ALOX5: variants seen among roughly 807,000 people sequenced by gnomAD.
ALOX5 encodes the protein polyunsaturated fatty acid 5-lipoxygenase.
ALOX5 carries 64 observed loss-of-function variants against 87.9 expected under a neutral mutation model. The ratio of observed to expected loss-of-function variants is 0.73; its 90% confidence interval spans 0.60 to 0.90. ALOX5 has a LOEUF of 0.90. ALOX5 is among the 40% of genes least tolerant of loss of function. The probability of loss-of-function intolerance (pLI) is 0.00; values close to 1 mark genes in which losing one functional copy is unlikely to be tolerated. For missense variants in ALOX5, 822 were observed against 907.5 expected, an observed-to-expected ratio of 0.91 and a Z score of 1.21; for synonymous variants, 388 against 355.1, an observed-to-expected ratio of 1.09 and a Z score of -1.04.
chr10:45,441,402 T>G lies in ALOX5; in HGVS notation c.1244T>G (p.Leu415Arg). 1 of 1,613,648 alleles carries G rather than the reference T, an allele frequency of 6.2e-7. No individual in the cohort carries two copies. Among genetic ancestry groups the G allele is most frequent in the Non-Finnish European group, 8.5e-7 (1 of 1,179,682 alleles). ...ATCAACACCAAGGCCCGTGAGCAGC[T>G]CATCTGCGAGTGTGGCCTCTTTGAC... ...IAINTKAREQLICECGLFDKA... is the reference protein window; with the variant it reads ...IAINTKAREQRICECGLFDKA... Residue 415 changes from leucine (L) to arginine (R), a missense_variant, in exon 9 of 14, where the codon CTC (leucine) becomes CGC (arginine). Leu to Arg is a moderately radical substitution (Grantham distance 102). Coordinates refer to ENST00000374391, the MANE Select transcript of ALOX5 (RefSeq NM_000698.5).
At chr10:45,427,810 G>A (rs542561091) in intron 6 of ALOX5, among the ~76,000 whole-genome samples, 8 of 152,234 alleles carry the variant, frequency 5.3e-5, no homozygotes, top group South Asian at 4.1e-4. Context: ...GCGGCCGCCC[G>A]CCTCCCACTT....
chr10:45,386,243 G>A (rs1840003605), intron 2 of ALOX5, among the ~76,000 whole-genome samples: 2 of 151,718 alleles, frequency 1.3e-5, no homozygotes, highest in African/African-American at 4.9e-5. Flanking sequence ...GGAGCTTGCA[G>A]TGAGCTGAGA....
chr10:45,439,723 A>C (rs946731066), intron 7 of ALOX5, among the ~76,000 whole-genome samples: 1 of 152,206 alleles, frequency 6.6e-6, no homozygotes. Context: ...GAGGTGATTG[A>C]GGAGGCAGTT....
rs36025124 is a variant in ALOX5 at position 45,437,416 on chromosome 10, GT to G, written c.982-3004del. Among the ~76,000 whole-genome samples, 24 of 149,356 alleles carry G rather than the reference GT, an allele frequency of 1.6e-4. No homozygotes were observed. In the South Asian group the frequency reaches 2.3e-3, roughly 14 times the overall value. ...GTATCTTGAGTGTAGAAAGTCAAAA[GT>G]TTTTTTTTTGTTAAGGAGTAAATTA... On this transcript the variant is annotated intron_variant, in intron 7 of 13. Transcript: ENST00000374391.
intron 1 of ALOX5, among the ~76,000 whole-genome samples, chr10:45,376,184 C>T (rs1323698349): frequency 1.3e-5 from 2 of 148,798 alleles, no homozygotes; most frequent in African/African-American, 5.0e-5. Context: ...CCACTATCTC[C>T]CTCTCTCGGT....
chr10:45,378,251 C>T (rs561535459), intron 1 of ALOX5, among the ~76,000 whole-genome samples: 3 of 152,048 alleles, frequency 2.0e-5, no homozygotes, highest in African/African-American at 7.3e-5. Context: ...AGGGTACAAA[C>T]CAGGGCTCAA....
At chr10:45,417,827 C>A (rs1256094428) in intron 4 of ALOX5, among the ~76,000 whole-genome samples, 2 of 152,164 alleles carry the variant, frequency 1.3e-5, no homozygotes, top group Non-Finnish European at 2.9e-5. Flanking sequence ...TAGCTGTTTC[C>A]TTTGCCACAC....
intron 2 of ALOX5, among the ~76,000 whole-genome samples, chr10:45,384,573 T>A (rs1305929960): frequency 6.6e-6 from 1 of 152,184 alleles, no homozygotes; most frequent in Admixed American, 6.5e-5. Context: ...GTCTCATTCT[T>A]TAAGGCTTCT....
rs778418203 is a variant in ALOX5 at position 45,425,103 on chromosome 10, C to G, written c.805C>G (p.Arg269Gly). ...TTEMVECSLE[R>G]QLSLEQEVQQ... ...GGAGATGGTAGAGTGCAGCCTGGAG[C>G]GGCAGCTCAGCTTGGAGCAGGAGGT... Residue 269 changes from arginine (R) to glycine (G), a missense_variant, in exon 6 of 14, where the codon CGG (arginine) becomes GGG (glycine). Physicochemically the swap from Arg to Gly is moderately radical, Grantham distance 125. Transcript: ENST00000374391. This position sits in a 1 kb window ranked among gnomAD's most constrained non-coding sequence, Gnocchi z 4.4. 2.5e-6 allele frequency: 4 copies of G among 1,613,846 alleles called. No individual in the cohort carries two copies. The South Asian group carries it at 4.4e-5, about 18-fold the overall frequency.
intron 6 of ALOX5, among the ~76,000 whole-genome samples, chr10:45,427,342 T>C (rs1841746772): frequency 6.6e-6 from 1 of 151,984 alleles, no homozygotes; most frequent in Non-Finnish European, 1.5e-5. Flanking sequence ...AACCCAAGGG[T>C]CTCCACCTGC....
intron 2 of ALOX5, among the ~76,000 whole-genome samples, chr10:45,385,924 T>C (rs1319039966): frequency 6.6e-6 from 1 of 152,124 alleles, no homozygotes; most frequent in African/African-American, 2.4e-5. Flanking sequence ...TGCAATTAGA[T>C]CAGTACAGAG....
intron 2 of ALOX5, among the ~76,000 whole-genome samples, chr10:45,390,190 G>GC (rs1373653265): frequency 6.6e-6 from 1 of 152,166 alleles, no homozygotes; most frequent in Non-Finnish European, 1.5e-5. Flanking sequence ...GATTTATAAA[G>GC]CAAGTCCTTA....
chr10:45,435,603 C>T (rs1335507808), intron 7 of ALOX5, among the ~76,000 whole-genome samples: 1 of 152,194 alleles, frequency 6.6e-6, no homozygotes, highest in East Asian at 1.9e-4. Context: ...CTGCAAAGAA[C>T]ACGATTTCAT....
chr10:45,430,741 A>T (rs1037072851), intron 7 of ALOX5, among the ~76,000 whole-genome samples: 1 of 152,214 alleles, frequency 6.6e-6, no homozygotes, highest in Non-Finnish European at 1.5e-5. Context: ...AAGATAAATT[A>T]GAAGAAATTG....
At position 45,409,662 on chromosome 10, in the gene ALOX5, C is replaced by T. The variant is rs74443325; in HGVS notation, c.432-2529C>T. On this transcript the variant is annotated intron_variant, in intron 3 of 13. Coordinates refer to ENST00000374391, the MANE Select transcript of ALOX5 (RefSeq NM_000698.5). The stretch of plus-strand genomic sequence containing the variant: ...CATTTTTTTTCCAATAAATTAAATG[C>T]CTTTCTACTTCTTTGTTCCTTCTGC... Among the ~76,000 whole-genome samples the T allele has an allele frequency of 6.9e-3, 1,043 of 151,072 alleles. 23 individuals carry two copies. The highest frequency in any genetic ancestry group is 0.061 in the East Asian group (310 of 5,078).
intron 13 of ALOX5, 33 bp from the exon 14 acceptor site, chr10:45,445,475 G>A: frequency 3.1e-6 from 5 of 1,602,142 alleles, no homozygotes; most frequent in Non-Finnish European, 4.3e-6. Flanking sequence ...GTAGTGGATT[G>A]ACCTATGTGT....
intron 3 of ALOX5, among the ~76,000 whole-genome samples, chr10:45,397,585 A>G (rs1220324407): frequency 6.6e-6 from 1 of 152,238 alleles, no homozygotes; most frequent in African/African-American, 2.4e-5. Flanking sequence ...ATTTACAAAT[A>G]ACATGATCTT....
chr10:45,444,455 T>G (rs1842368364), intron 13 of ALOX5, 169 bp downstream of exon 13: 6 of 945,086 alleles, frequency 6.3e-6, no homozygotes, highest in Non-Finnish European at 9.2e-6. Flanking sequence ...TCCCCCGGCC[T>G]CAGCCTGGAC....
At chr10:45,415,163 T>C (rs560882364) in intron 4 of ALOX5, among the ~76,000 whole-genome samples, 2 of 152,158 alleles carry the variant, frequency 1.3e-5, no homozygotes, top group Non-Finnish European at 2.9e-5. Context: ...CTATTCACAA[T>C]AGCAAAGACT....
Sources: allele counts gnomAD v4.1 joint callset (sites outside exome capture counted in the v4.1 genomes callset), GRCh38; gene constraint gnomAD v4.1.1; non-coding constraint Gnocchi (gnomAD v3.1); transcripts MANE v1.5; gene names NCBI Gene and HGNC (gene_info 2026-07-23, HGNC 2026-07-21).